Variants in CUBN observed in about 807,000 individuals in gnomAD.
CUBN encodes the protein cubilin, also known as 460 kDa receptor.
CUBN carries 282 observed loss-of-function variants against 405.3 expected under a neutral mutation model. The ratio of observed to expected loss-of-function variants is 0.70; its 90% CI spans 0.63 to 0.77. The LOEUF (loss-of-function observed/expected upper bound fraction) is 0.77. Ranked by LOEUF, CUBN falls within the 30% of genes least tolerant of loss-of-function variation. The pLI is 0.00. For missense variants in CUBN, 4,514 were observed against 4,475.2 expected (o/e 1.01, Z -0.25); for synonymous variants, 1,684 against 1,617.0 (o/e 1.04, Z -0.99).
At chr10:16,965,811 G>GA in intron 31 of CUBN, 1 of 321,060 alleles carries the variant, frequency 3.1e-6, no homozygotes, top group South Asian at 2.4e-5. Flanking sequence ...ACCAGACACT[G>GA]ATAGGTACTT....
chr10:17,115,633 C>A (rs373806799), intron 6 of CUBN, 36 bp from the exon 7 acceptor site: 1 of 1,612,414 alleles, frequency 6.2e-7, no homozygotes, highest in Non-Finnish European at 8.5e-7. Context: ...TCAGGGCACG[C>A]GCTTTGGGGC....
rs139600855 is a variant in CUBN, at chr10:17,019,871, C to T, written c.4130G>A (p.Arg1377His). 83 of 1,614,110 alleles carry T rather than the reference C, an allele frequency of 5.1e-5. No individual in the cohort carries two copies. In the African/African-American group the frequency reaches 6.3e-4, roughly 12 times the overall value. ...CTGCATCTGAAATCCTTTCTCACGG[C>T]GGCCAACCCCATCTGTAAGGAGCAG... is the stretch of plus-strand genomic sequence containing the variant. ...QVLLLTDGVGRREKGFQMQWF... is the reference protein window; with the variant it reads ...QVLLLTDGVGHREKGFQMQWF... The change falls in exon 28 of 67, where the codon CGC becomes CAC. Residue 1377 changes from arginine (R) to histidine (H), a missense_variant. Physicochemically the swap from Arg to His is conservative, Grantham distance 29. Around this residue, in one of 5 missense-constraint regions of CUBN, gnomAD observed 242 missense variants for 309.0 expected, o/e 0.78. Transcript: ENST00000377833.
chr10:17,102,351 A>G (rs1363305374), intron 13 of CUBN, among the ~76,000 whole-genome samples: 1 of 151,034 alleles, frequency 6.6e-6, no homozygotes, highest in African/African-American at 2.4e-5. Context: ...CAGTGGTGCA[A>G]TCTCAGCTCA....
chr10:17,114,265 C>A lies in CUBN; in HGVS notation c.721-76G>T, dbSNP rs571717392. The A allele has an allele frequency of 1.5e-5, 22 of 1,434,394 alleles. No homozygotes were observed. The East Asian group carries it at 4.9e-4, about 32-fold the overall frequency. 88.9% of individuals were successfully genotyped at this position (1,434,394 alleles called of 1,614,324 possible). A position where few individuals can be genotyped will look rare whatever the true frequency, so the allele number is the denominator to read the frequency against. ...AAAAGCCTTTGAACATTTCATCAAG[C>A]CCCTAACTGTTTATCCTCTAACGTT... On this transcript the variant is annotated intron_variant, in intron 7 of 66. Transcript: ENST00000377833.
chr10:16,947,197 A>G lies in CUBN; in HGVS notation c.5342+38T>C, dbSNP rs748505906. 4 of 1,610,086 alleles carry G rather than the reference A, an allele frequency of 2.5e-6. No homozygotes were observed. The East Asian group carries it at 8.9e-5, about 36-fold the overall frequency. On this transcript the variant is annotated intron_variant, in intron 36 of 66. Coordinates refer to ENST00000377833, the MANE Select transcript of CUBN (RefSeq NM_001081.4). ...ACCAGAACTTCTTTCCTACAGATTC[A>G]TTAGCACTGAAACAATACACCATAA...
chr10:17,094,310 A>G (rs1182344546), intron 14 of CUBN, among the ~76,000 whole-genome samples: 1 of 152,044 alleles, frequency 6.6e-6, no homozygotes, highest in Non-Finnish European at 1.5e-5. Flanking sequence ...CTAAAATTCT[A>G]TGTGTAATAA....
At chr10:16,851,765 C>T (rs1452625124) in intron 59 of CUBN, among the ~76,000 whole-genome samples, 3 of 130,404 alleles carry the variant, frequency 2.3e-5, no homozygotes, top group Non-Finnish European at 4.8e-5. Context: ...TCTGTCTTTC[C>T]CTCCCTCACT....
chr10:16,925,934 G>A (rs1842176848), intron 41 of CUBN, among the ~76,000 whole-genome samples, 160 bp from the exon 42 acceptor site: 1 of 152,120 alleles, frequency 6.6e-6, no homozygotes. Context: ...AGCATGTATT[G>A]AGCACATGCT....
At chr10:17,006,868 C>G (rs948981556) in intron 28 of CUBN, among the ~76,000 whole-genome samples, 1 of 152,188 alleles carries the variant, frequency 6.6e-6, no homozygotes, top group Non-Finnish European at 1.5e-5. Context: ...ATTTGAGAGG[C>G]TGATGTCATC....
intron 17 of CUBN, among the ~76,000 whole-genome samples, chr10:17,082,031 C>G (rs1027883513): frequency 2.0e-5 from 3 of 152,046 alleles, no homozygotes; most frequent in African/African-American, 7.2e-5. Context: ...GTGGTTACAT[C>G]AGAATGTAGA....
intron 31 of CUBN, among the ~76,000 whole-genome samples, chr10:16,956,611 T>C (rs1468393045): frequency 6.6e-6 from 1 of 152,104 alleles, no homozygotes; most frequent in Non-Finnish European, 1.5e-5. Flanking sequence ...GGTTTTATGC[T>C]GTCCTAAGGT....
At chr10:16,917,554 G>A (rs1375443736) in intron 45 of CUBN, among the ~76,000 whole-genome samples, 3 of 152,068 alleles carry the variant, frequency 2.0e-5, no homozygotes, top group African/African-American at 7.2e-5. Flanking sequence ...TGTTTACCAA[G>A]GGCATTGAAA....
At chr10:16,895,267 T>C (rs959364957) in intron 54 of CUBN, among the ~76,000 whole-genome samples, 3 of 152,154 alleles carry the variant, frequency 2.0e-5, no homozygotes, top group African/African-American at 7.2e-5. Flanking sequence ...TACCTTGGAA[T>C]GTTACAAGAG....
chr10:17,009,287 C>T (rs1412519828), intron 28 of CUBN, among the ~76,000 whole-genome samples: 1 of 152,198 alleles, frequency 6.6e-6, no homozygotes, highest in Non-Finnish European at 1.5e-5. Flanking sequence ...AAGTTTCCAG[C>T]AACTGGGAGA....
Position 16,860,623 on chromosome 10 carries a change from C to T in CUBN, c.9454+9013G>A, listed in dbSNP as rs55726590. ...CCAACATTTTTATTATTTTATTCTG[C>T]AAAGCACTGTCCTCTCCTAGTAATT... is the stretch of plus-strand genomic sequence containing the variant. On this transcript the variant is annotated intron_variant, in intron 59 of 66. Coordinates refer to ENST00000377833, the MANE Select transcript of CUBN (RefSeq NM_001081.4). 8.6e-3 allele frequency among the ~76,000 whole-genome samples: 1,310 copies of T among 152,284 alleles called. 22 individuals are homozygous for T. The highest frequency in any genetic ancestry group is 0.029 in the African/African-American group (1,208 of 41,558).
chr10:17,094,415 T>C (rs908549744), intron 14 of CUBN, among the ~76,000 whole-genome samples: 1 of 152,108 alleles, frequency 6.6e-6, no homozygotes, highest in African/African-American at 2.4e-5. Context: ...TATTAAAATA[T>C]GTTCTTCAGG....
chr10:16,826,246 T>C (rs1381313999), intron 66 of CUBN, among the ~76,000 whole-genome samples: 1 of 152,220 alleles, frequency 6.6e-6, no homozygotes, highest in Non-Finnish European at 1.5e-5. Flanking sequence ...GTATGTACAC[T>C]GTATGTATTT....
At chr10:16,978,294 T>G (rs929130787) in intron 31 of CUBN, among the ~76,000 whole-genome samples, 1 of 152,246 alleles carries the variant, frequency 6.6e-6, no homozygotes, top group African/African-American at 2.4e-5. Context: ...TCCCAAAGAC[T>G]GGACTCACAC....
chr10:16,931,221 G>A lies in CUBN; in HGVS notation c.6124+1866C>T, dbSNP rs1479614691. On this transcript the variant is annotated intron_variant, in intron 40 of 66. Transcript: ENST00000377833. ...AGAGTTTGCAGTGAGCCAAGATAGC[G>A]CCACTGCAGTCCGGCCTGGACAAAA... is the stretch of plus-strand genomic sequence containing the variant. Among the ~76,000 whole-genome samples, 17 of 150,988 alleles carry A rather than the reference G, an allele frequency of 1.1e-4. 1 individual carries two copies. In the South Asian group the frequency reaches 2.5e-3, roughly 22 times the overall value.
Sources: allele counts gnomAD v4.1 joint callset (sites outside exome capture counted in the v4.1 genomes callset), GRCh38; gene constraint gnomAD v4.1.1; regional missense constraint gnomAD v4.1.1; transcripts MANE v1.5; gene names NCBI Gene and HGNC (gene_info 2026-07-23, HGNC 2026-07-21).